Variants in FGFR1OP2 observed in about 807,000 individuals in gnomAD.
FGFR1OP2 encodes fibroblast growth factor receptor 1 oncogene partner 2.
A neutral mutation model predicts 35.2 loss-of-function variants in FGFR1OP2; 17 were observed. That is an observed-to-expected ratio of 0.48 (90% CI 0.33 to 0.73). The LOEUF (loss-of-function observed/expected upper bound fraction) is 0.73. Among genes scored for constraint, FGFR1OP2 ranks in the 30% least tolerant of loss-of-function variants. The pLI is 0.02. For synonymous variants in FGFR1OP2, 105 were observed against 104.6 expected (o/e 1.00, Z -0.03); for missense variants, 251 against 307.3 (o/e 0.82, Z 1.37).
intron 5 of FGFR1OP2, 70 bp from the exon 6 acceptor site, chr12:26,963,267 GATTTT>G: frequency 1.1e-6 from 1 of 906,694 alleles, no homozygotes. Flanking sequence ...TGGTACTGCA[GATTTT>G]ATAAAAAGGA....
chr12:26,964,549 C>T (rs1362149441), intron 6 of FGFR1OP2, 47 bp from the exon 7 acceptor site: 2 of 1,583,438 alleles, frequency 1.3e-6, no homozygotes, highest in Admixed American at 3.4e-5. Context: ...GATGTTGTAG[C>T]TACCTTGTAG....
intron 4 of FGFR1OP2, 74 bp downstream of exon 4, chr12:26,957,817 G>GA (rs2136358329): frequency 7.4e-7 from 1 of 1,347,332 alleles, no homozygotes; most frequent in Non-Finnish European, 9.8e-7. Context: ...GATTTTTTTT[G>GA]AAAAAAATCA....
intron 2 of FGFR1OP2, among the ~76,000 whole-genome samples, chr12:26,955,342 C>T (rs1939002231): frequency 1.3e-5 from 2 of 152,180 alleles, no homozygotes; most frequent in Non-Finnish European, 1.5e-5. Flanking sequence ...AAGATATTCA[C>T]ATACCATAAA....
Position 26,964,647 on chromosome 12 carries a change from T to C in FGFR1OP2, c.676T>C (p.Leu226=). Residue 226 remains leucine (L), a synonymous_variant, in exon 7 of 7, where the codon TTG becomes CTG. Coordinates refer to ENST00000229395, the MANE Select transcript of FGFR1OP2 (RefSeq NM_015633.3). ...EILQITRESF[L]NLRKDDASES... is the part of the protein sequence containing the mutation. ...CCTTCAAATAACTCGAGAATCATTTTTGAACCTAAGGAAAGATGATGCGTC... is the reference window on the plus strand; with the variant it reads ...CCTTCAAATAACTCGAGAATCATTTCTGAACCTAAGGAAAGATGATGCGTC... 1.9e-6 allele frequency: 3 copies of C among 1,613,166 alleles called. No individual in the cohort carries two copies. In the South Asian group the frequency reaches 3.3e-5, roughly 18 times the overall value.
intron 1 of FGFR1OP2, among the ~76,000 whole-genome samples, chr12:26,949,282 T>A (rs986600558): frequency 2.0e-5 from 3 of 151,640 alleles, no homozygotes; most frequent in Non-Finnish European, 4.4e-5. Context: ...ATTACAGGCT[T>A]GCACCACCAC....
chr12:26,947,590 C>T (rs927092186), intron 1 of FGFR1OP2, among the ~76,000 whole-genome samples: 1 of 152,104 alleles, frequency 6.6e-6, no homozygotes, highest in African/African-American at 2.4e-5. Context: ...CCATGTTGCC[C>T]AGGCTGGTCT....
At chr12:26,958,956 C>G (rs772504927) in intron 4 of FGFR1OP2, among the ~76,000 whole-genome samples, 2 of 152,032 alleles carry the variant, frequency 1.3e-5, no homozygotes, top group African/African-American at 4.8e-5. Context: ...CCATTTGTTA[C>G]AACAGAAATA....
chr12:26,958,400 T>C (rs557486457), intron 4 of FGFR1OP2, among the ~76,000 whole-genome samples: 1 of 152,330 alleles, frequency 6.6e-6, no homozygotes, highest in South Asian at 2.1e-4. Context: ...TTTTTTCTAA[T>C]AAATTTGTGT....
intron 4 of FGFR1OP2, among the ~76,000 whole-genome samples, chr12:26,959,592 T>G (rs1279995192): frequency 6.6e-6 from 1 of 152,164 alleles, no homozygotes; most frequent in African/African-American, 2.4e-5. Context: ...ATTTTACTAT[T>G]CACCAGAGCT....
intron 5 of FGFR1OP2, chr12:26,963,051 AAAG>A: frequency 4.5e-6 from 1 of 222,478 alleles, no homozygotes; most frequent in Non-Finnish European, 8.8e-6. Context: ...GTGCAAAAAA[AAAG>A]AAAAAGTTGC....
At chr12:26,950,219 T>TG (rs1555211407) in intron 1 of FGFR1OP2, among the ~76,000 whole-genome samples, 6 of 104,846 alleles carry the variant, frequency 5.7e-5, no homozygotes, top group Non-Finnish European at 1.1e-4. Context: ...CGTTGTTTTT[T>TG]TTTTTTTTTT....
intron 1 of FGFR1OP2, among the ~76,000 whole-genome samples, chr12:26,945,540 A>G (rs1462429606): frequency 6.6e-6 from 1 of 152,200 alleles, no homozygotes; most frequent in Non-Finnish European, 1.5e-5. Flanking sequence ...TACTTACTTT[A>G]GTTTAATTTC....
At position 26,939,735 on chromosome 12, in the gene FGFR1OP2, A is replaced by C. The variant is rs554597001; in HGVS notation, c.-15+1025A>C. Among the ~76,000 whole-genome samples, 3 of 152,332 alleles carry C rather than the reference A, an allele frequency of 2.0e-5. No homozygotes were observed. The South Asian group carries it at 6.2e-4, about 32-fold the overall frequency. On this transcript the variant is annotated intron_variant, in intron 1 of 6. Transcript: ENST00000229395. Reference sequence around the variant, plus strand: ...TGTTTCTGTCTCTCCTGCCAATTTGAACCTGGGTCTGTCTGGAATCATGTC... The same window carrying C: ...TGTTTCTGTCTCTCCTGCCAATTTGCACCTGGGTCTGTCTGGAATCATGTC...
At chr12:26,953,525 C>T (rs1938971082) in intron 1 of FGFR1OP2, 1 of 152,072 alleles carries the variant, frequency 6.6e-6, no homozygotes, top group Admixed American at 6.6e-5. Context: ...TGTCCTAAGT[C>T]AAAACTTTTT....
chr12:26,964,771 A>C lies in FGFR1OP2; in HGVS notation c.*38A>C. On this transcript the variant is annotated 3_prime_UTR_variant, in exon 7 of 7. Transcript: ENST00000229395. ...TCTGTGAGCTTCTTACATGGCTCCA[A>C]ATGGTCAAATAAGTGAATGAATGAA... 1 of 1,591,730 alleles carries C rather than the reference A, an allele frequency of 6.3e-7. No individual in the cohort carries two copies. Among genetic ancestry groups the C allele is most frequent in the Non-Finnish European group, 8.6e-7 (1 of 1,168,164 alleles).
At chr12:26,950,752 A>G (rs1432445812) in intron 1 of FGFR1OP2, among the ~76,000 whole-genome samples, 1 of 152,218 alleles carries the variant, frequency 6.6e-6, no homozygotes, top group Non-Finnish European at 1.5e-5. Context: ...CAAGCCTGAT[A>G]CTGCTGATTT....
intron 1 of FGFR1OP2, among the ~76,000 whole-genome samples, chr12:26,942,278 G>A (rs932384266): frequency 8.5e-5 from 13 of 152,136 alleles, no homozygotes; most frequent in Non-Finnish European, 1.6e-4. Context: ...TGATCCACCC[G>A]CCTTGGCCTC....
At chr12:26,959,573 A>G (rs1251099377) in intron 4 of FGFR1OP2, among the ~76,000 whole-genome samples, 1 of 152,176 alleles carries the variant, frequency 6.6e-6, no homozygotes, top group Non-Finnish European at 1.5e-5. Flanking sequence ...GTTTCCTAAA[A>G]TATATTAGAT....
In FGFR1OP2 at chr12:26,966,263, TTTA is replaced by T. The variant is rs1939179735; in HGVS notation, c.*1533_*1535del. On this transcript the variant is annotated 3_prime_UTR_variant, in exon 7 of 7. Coordinates refer to ENST00000229395, the MANE Select transcript of FGFR1OP2 (RefSeq NM_015633.3). ...AATGACAGTTTTTATTTTTAAACTTTTTATTGTTTTTGGGAAAGTATTCCTTAA... is the reference window on the plus strand; with the variant it reads ...AATGACAGTTTTTATTTTTAAACTTTTTGTTTTTGGGAAAGTATTCCTTAA... 2 of 152,094 alleles carry T rather than the reference TTTA, an allele frequency of 1.3e-5. No individual in the cohort carries two copies. Among genetic ancestry groups the T allele is most frequent in the African/African-American group, 4.8e-5 (2 of 41,450 alleles). 9.4% of individuals were successfully genotyped at this position (152,094 alleles called of 1,614,324 possible).
Sources: gnomAD v4.1 joint callset for allele counts (sites outside exome capture counted in the v4.1 genomes callset) on GRCh38, gnomAD v4.1.1 for gene constraint, MANE v1.5 for transcripts, NCBI Gene and HGNC (gene_info 2026-07-23, HGNC 2026-07-21) for gene names.